Variants in CROCC observed in about 807,000 individuals in gnomAD.
CROCC encodes rootletin.
Under a neutral mutation model 245.2 loss-of-function variants are expected in CROCC, and 180 were observed. The ratio of observed to expected loss-of-function variants is 0.73; its 90% CI spans 0.65 to 0.83. CROCC has a LOEUF of 0.83. CROCC is among the 40% of genes least tolerant of loss of function. The pLI is 0.00. For missense variants in CROCC, 2,688 were observed against 2,779.4 expected (o/e 0.97, Z 0.74); for synonymous variants, 1,205 against 1,241.6 (o/e 0.97, Z 0.62).
At position 16,944,170 on chromosome 1, in the gene CROCC, G is replaced by A. The variant is rs199948035; in HGVS notation, c.1879G>A (p.Glu627Lys). 22 of 1,555,920 alleles carry A rather than the reference G, an allele frequency of 1.4e-5. No homozygotes were observed. Among genetic ancestry groups the A allele is most frequent in the South Asian group, 7.1e-5 (6 of 84,292 alleles). ...GGCCGAGGAGCTGCGGCAGGAGCGG[G>A]AGAAGCTGCAGGCTGCCCAGGAGGA... Reference protein sequence around the residue: ...QQAEELRQEREKLQAAQEELR... With the variant: ...QQAEELRQERKKLQAAQEELR... Residue 627 changes from glutamate (E) to lysine (K), a missense_variant, in exon 14 of 37, where the codon GAG becomes AAG. Transcript: ENST00000375541.
chr1:16,963,409 T>C (rs575927299), intron 27 of CROCC, among the ~76,000 whole-genome samples: 3 of 151,586 alleles, frequency 2.0e-5, no homozygotes, highest in Admixed American at 6.6e-5. Flanking sequence ...GGGGTGAGAT[T>C]TGGGGACGAA....
intron 1 of CROCC, among the ~76,000 whole-genome samples, chr1:16,914,262 C>T (rs138600303): frequency 0.014 from 2,124 of 151,376 alleles, no homozygotes; most frequent in African/African-American, 0.05. Flanking sequence ...TGTTCCGCGA[C>T]TGCCGCGGCC....
At position 16,944,281 on chromosome 1, in the gene CROCC, A is replaced by C. The variant is rs1389662339; in HGVS notation, c.1990A>C (p.Ser664Arg). Residue 664 changes from serine to arginine, a missense_variant and splice_region_variant, in exon 14 of 37, where the codon AGC becomes CGC. Around this residue, in one of 9 missense-constraint regions of CROCC, gnomAD observed 972 missense variants for 895.3 expected, o/e 1.09. Coordinates refer to ENST00000375541, the MANE Select transcript of CROCC (RefSeq NM_014675.5). ...GARVRRELER[S>R]HRQLEQLEGK... ...GCGGGTGCGCCGGGAGCTTGAGCGCAGGTGAGCAGCATCTCGCCACCCTGC... is the reference window on the plus strand; with the variant it reads ...GCGGGTGCGCCGGGAGCTTGAGCGCCGGTGAGCAGCATCTCGCCACCCTGC... 6 of 1,533,908 alleles carry C rather than the reference A, an allele frequency of 3.9e-6. No individual in the cohort carries two copies. Among genetic ancestry groups the C allele is most frequent in the Non-Finnish European group, 5.3e-6 (6 of 1,138,198 alleles).
intron 36 of CROCC, 112 bp downstream of exon 36, chr1:16,971,759 GA>G: frequency 8.9e-7 from 1 of 1,122,582 alleles, no homozygotes; most frequent in Non-Finnish European, 1.2e-6. Context: ...TCCCGTAACC[GA>G]AAAGGGTGGG....
chr1:16,954,686 G>A lies in CROCC; in HGVS notation c.3322-48G>A. ...ACTGAGCGGGTTGGGAGCAGCCCGGGGCTGGGGGACACAGCAGGACCAAGT... is the reference window on the plus strand; with the variant it reads ...ACTGAGCGGGTTGGGAGCAGCCCGGAGCTGGGGGACACAGCAGGACCAAGT... On this transcript the variant is annotated intron_variant, in intron 22 of 36. Transcript: ENST00000375541. This position sits in a 1 kb window ranked among gnomAD's most constrained non-coding sequence, Gnocchi z 4.4. 6.6e-7 allele frequency: 1 copy of A among 1,509,454 alleles called. No homozygotes were observed. Among genetic ancestry groups the A allele is most frequent in the African/African-American group, 1.4e-5 (1 of 72,104 alleles). 93.5% of individuals were successfully genotyped at this position (1,509,454 alleles called of 1,614,324 possible). A position where few individuals can be genotyped will look rare whatever the true frequency, so the allele number is the denominator to read the frequency against.
rs778937591 is a variant in CROCC at position 16,954,422 on chromosome 1, C to CCA, written c.3321+67_3321+68dup. On this transcript the variant is annotated intron_variant, in intron 22 of 36. Coordinates refer to ENST00000375541, the MANE Select transcript of CROCC (RefSeq NM_014675.5). The surrounding 1 kb of genome is among the most constrained non-coding windows in gnomAD (Gnocchi z 4.4). ...AGGCACATCCCTGGCTGAGGAGCCCCCACCACGGGGCGGCATGGCCCTGTC... is the reference window on the plus strand; with the variant it reads ...AGGCACATCCCTGGCTGAGGAGCCCCCACACCACGGGGCGGCATGGCCCTGTC... 7.2e-4 allele frequency: 1,123 copies of CCA among 1,558,420 alleles called. 2 individuals carry two copies. Among genetic ancestry groups the CCA allele is most frequent in the Non-Finnish European group, 8.6e-4 (987 of 1,147,836 alleles).
rs777414264 is a variant in CROCC, at chr1:16,969,778, C to T, written c.5302-7C>T. ...CCAGCCAGGCACCATCAGCCCCTGTCCCCCAGGAACGGCTGGATGCCGCCC... is the reference window on the plus strand; with the variant it reads ...CCAGCCAGGCACCATCAGCCCCTGTTCCCCAGGAACGGCTGGATGCCGCCC... On this transcript the variant is annotated splice_polypyrimidine_tract_variant and splice_region_variant and intron_variant, in intron 32 of 36. Coordinates refer to ENST00000375541, the MANE Select transcript of CROCC (RefSeq NM_014675.5). 7 of 1,611,314 alleles carry T rather than the reference C, an allele frequency of 4.3e-6. No homozygotes were observed. The South Asian group carries it at 5.5e-5, about 13-fold the overall frequency.
At chr1:16,926,370 A>G (rs1383607580) in intron 3 of CROCC, among the ~76,000 whole-genome samples, 2 of 152,150 alleles carry the variant, frequency 1.3e-5, no homozygotes, top group African/African-American at 4.8e-5. Context: ...CTGGGATGAG[A>G]CCCTTGGTCC....
intron 8 of CROCC, among the ~76,000 whole-genome samples, chr1:16,933,699 G>T (rs1332371990): frequency 2.0e-5 from 3 of 152,246 alleles, no homozygotes; most frequent in African/African-American, 7.2e-5. Flanking sequence ...CTGCGTAGCT[G>T]GGATTACAGG....
At chr1:16,962,739 T>A (rs976909327) in intron 27 of CROCC, among the ~76,000 whole-genome samples, 23 of 148,848 alleles carry the variant, frequency 1.5e-4, no homozygotes, top group African/African-American at 5.5e-4. Context: ...TATGTATATT[T>A]TTTTTTTTTA....
chr1:16,970,250 C>T lies in CROCC; in HGVS notation c.5452-3C>T. The T allele has an allele frequency of 1.3e-6, 2 of 1,548,140 alleles. No individual in the cohort carries two copies. Among genetic ancestry groups the T allele is most frequent in the Non-Finnish European group, 1.8e-6 (2 of 1,141,784 alleles). On this transcript the variant is annotated splice_region_variant and splice_polypyrimidine_tract_variant and intron_variant, in intron 33 of 36. Coordinates refer to ENST00000375541, the MANE Select transcript of CROCC (RefSeq NM_014675.5). ...TTCGGGGCCTGCCTGGCTTCTGTTG[C>T]AGGTGCTGCGGCAGCGGCAGGAGGG...
chr1:16,953,124 G>C, intron 20 of CROCC, 178 bp from the exon 21 acceptor site: 1 of 617,500 alleles, frequency 1.6e-6, no homozygotes, highest in Non-Finnish European at 2.8e-6. Flanking sequence ...CTGCTCCTTG[G>C]CACTTTCACG....
chr1:16,928,203 A>G (rs2075580064), intron 3 of CROCC, among the ~76,000 whole-genome samples: 1 of 152,284 alleles, frequency 6.6e-6, no homozygotes, highest in Non-Finnish European at 1.5e-5. Context: ...TGGTGAGTGC[A>G]GGGCTAGCAT....
chr1:16,967,257 T>G (rs985859795), intron 30 of CROCC, among the ~76,000 whole-genome samples: 10 of 152,096 alleles, frequency 6.6e-5, no homozygotes, highest in Admixed American at 6.6e-4. Context: ...TTATGTGTGT[T>G]TGGGGGACAG....
At chr1:16,970,889 C>T (rs1341808118) in intron 35 of CROCC, 122 bp downstream of exon 35, 3 of 1,233,616 alleles carry the variant, frequency 2.4e-6, no homozygotes, top group Non-Finnish European at 3.2e-6. Flanking sequence ...GAGCCCTGAG[C>T]CTTCCAGTGA....
chr1:16,970,425 G>A lies in CROCC; in HGVS notation c.5624G>A (p.Arg1875His), dbSNP rs138053860. ...TCAGCCCTGCGGCTGGAGAAGGACC[G>A]TGTAGCCCTCAGGAGGACGCTGGAC... ...ERSALRLEKDRVALRRTLDKV... is the reference protein window; with the variant it reads ...ERSALRLEKDHVALRRTLDKV... Residue 1875 changes from arginine (R) to histidine (H), a missense_variant, in exon 34 of 37, where the codon CGT becomes CAT. Physicochemically the swap from Arg to His is conservative, Grantham distance 29. This residue lies in a region of CROCC where 1,218 missense variants were observed against 1,286.3 expected (regional missense o/e 0.95). Coordinates refer to ENST00000375541, the MANE Select transcript of CROCC (RefSeq NM_014675.5). 24 of 1,600,044 alleles carry A rather than the reference G, an allele frequency of 1.5e-5. No homozygotes were observed. Among genetic ancestry groups the A allele is most frequent in the South Asian group, 2.2e-5 (2 of 89,484 alleles).
rs202063177 is a variant in CROCC at position 16,924,492 on chromosome 1, C to T, written c.351+13C>T. 4.5e-3 allele frequency: 7,190 copies of T among 1,607,224 alleles called. No individual in the cohort carries two copies. Among genetic ancestry groups the T allele is most frequent in the Non-Finnish European group, 5.3e-3 (6,234 of 1,174,916 alleles). ...GGTCAGCGAGAGGGTGGGTGCCGCC[C>T]AGGTGGTGGACTAGGCCAGGGTTCC... On this transcript the variant is annotated intron_variant, in intron 3 of 36. Transcript: ENST00000375541.
intron 27 of CROCC, among the ~76,000 whole-genome samples, chr1:16,961,939 G>A (rs2076340402): frequency 6.6e-6 from 1 of 152,118 alleles, no homozygotes; most frequent in Admixed American, 6.5e-5. Flanking sequence ...CTCCTTATCT[G>A]ATTTTCTGAG....
Position 16,955,234 on chromosome 1 carries a change from C to G in CROCC, c.3466-78C>G, listed in dbSNP as rs1206063465. The G allele has an allele frequency of 1.1e-5, 16 of 1,434,116 alleles. No homozygotes were observed. The Admixed American group carries it at 1.2e-4, about 11-fold the overall frequency. The allele number at this position is 1,434,116 out of a possible 1,614,324, so 88.8% of individuals were successfully genotyped here. ...AGGGATGGGGCAGGCTCCCTGGGTC[C>G]AGGGATCTGGGGTACAAGACCCAGC... On this transcript the variant is annotated intron_variant, in intron 23 of 36. Transcript: ENST00000375541.
Sources: gnomAD v4.1 joint callset for allele counts (sites outside exome capture counted in the v4.1 genomes callset) on GRCh38, gnomAD v4.1.1 for gene constraint, gnomAD v4.1.1 regional missense constraint, Gnocchi (gnomAD v3.1) non-coding constraint, MANE v1.5 for transcripts, NCBI Gene and HGNC (gene_info 2026-07-23, HGNC 2026-07-21) for gene names.